The following CKMT2 variants were observed in gnomAD, a reference collection of about 807,000 sequenced individuals.
The protein encoded by CKMT2 is creatine kinase, mitochondrial 2.
CKMT2 carries 43 observed loss-of-function variants against 48.9 expected under a neutral mutation model. That is an observed-to-expected ratio of 0.88 (90% CI 0.69 to 1.13). The LOEUF is 1.13. Among genes scored for constraint, CKMT2 ranks in the 50% most tolerant of loss-of-function variants. The probability of loss-of-function intolerance (pLI) is 0.00; values close to 1 mark genes in which losing one functional copy is unlikely to be tolerated. For missense variants in CKMT2, 472 were observed against 555.4 expected (o/e 0.85, Z 1.51); for synonymous variants, 206 against 213.0 (o/e 0.97, Z 0.29).
At position 81,252,722 on chromosome 5, in the gene CKMT2, C is replaced by T; in HGVS notation, c.180C>T (p.His60=). The change falls in exon 3 of 10, where the codon CAC becomes CAT. Residue 60 remains histidine, a synonymous_variant. Transcript: ENST00000254035. ...CAGACTACCCAGACCTGCGCAAGCACAACAACTGCATGGCCGAGTGCCTCA... is the reference window on the plus strand; with the variant it reads ...CAGACTACCCAGACCTGCGCAAGCATAACAACTGCATGGCCGAGTGCCTCA... ...PSADYPDLRK[H]NNCMAECLTP... is the part of the protein sequence containing the mutation. The T allele has an allele frequency of 6.2e-7, 1 of 1,614,146 alleles. No individual in the cohort carries two copies. Among genetic ancestry groups the T allele is most frequent in the South Asian group, 1.1e-5 (1 of 91,088 alleles).
At chr5:81,243,145 G>A (rs1756493566) in intron 1 of CKMT2, among the ~76,000 whole-genome samples, 1 of 152,192 alleles carries the variant, frequency 6.6e-6, no homozygotes, top group Non-Finnish European at 1.5e-5. Flanking sequence ...CCATAAGAGA[G>A]GTCCCTTGGG....
At chr5:81,246,059 C>T (rs1756599677) in intron 1 of CKMT2, among the ~76,000 whole-genome samples, 1 of 151,994 alleles carries the variant, frequency 6.6e-6, no homozygotes, top group Non-Finnish European at 1.5e-5. Flanking sequence ...CACCTTATCT[C>T]TCACCTGGAC....
chr5:81,239,451 G>C (rs906173348), intron 1 of CKMT2: 1 of 152,180 alleles, frequency 6.6e-6, no homozygotes, highest in African/African-American at 2.4e-5. Context: ...GAGGGGAATG[G>C]CCATTTCCCC....
chr5:81,254,017 G>C (rs1415196415), intron 3 of CKMT2, among the ~76,000 whole-genome samples: 4 of 152,134 alleles, frequency 2.6e-5, no homozygotes, highest in Admixed American at 6.5e-5. Flanking sequence ...CCTCTGATCA[G>C]GTAGCTTCTT....
Position 81,252,324 on chromosome 5 carries a change from G to A in CKMT2, c.153-371G>A, listed in dbSNP as rs548971460. The stretch of plus-strand genomic sequence containing the variant: ...TCGCCAGCAACCCCCATGTACCTTG[G>A]GAATTCCTGAGGTGACATGACTTGT... On this transcript the variant is annotated intron_variant, in intron 2 of 9. Transcript: ENST00000254035. 1.2e-5 allele frequency: 3 copies of A among 244,434 alleles called. No individual in the cohort carries two copies. In the East Asian group the frequency reaches 3.3e-4, roughly 27 times the overall value. 15.1% of individuals were successfully genotyped at this position (244,434 alleles called of 1,614,324 possible). A position where few individuals can be genotyped will look rare whatever the true frequency, so the allele number is the denominator to read the frequency against.
chr5:81,238,007 C>T (rs1338848600), intron 1 of CKMT2: 1 of 152,144 alleles, frequency 6.6e-6, no homozygotes, highest in Admixed American at 6.5e-5. Context: ...CAGACTCACA[C>T]ATTTGTAAAA....
intron 1 of CKMT2, chr5:81,236,060 G>A (rs1352575562): frequency 6.6e-6 from 1 of 152,308 alleles, no homozygotes; most frequent in Non-Finnish European, 1.5e-5. Context: ...GGCACATTGA[G>A]CACTAGAGTC....
At chr5:81,251,849 TTATGTGTGACCAGCAC>T (rs1266423741) in intron 2 of CKMT2, 1 of 153,148 alleles carries the variant, frequency 6.5e-6, no homozygotes. Flanking sequence ...TGGAGCACTT[TTATGTGTGACCAGCAC>T]TTTACATGGA....
chr5:81,257,384 G>A (rs919653148), intron 6 of CKMT2, among the ~76,000 whole-genome samples: 1 of 152,092 alleles, frequency 6.6e-6, no homozygotes, highest in Admixed American at 6.6e-5. Flanking sequence ...GCTTTTTAGA[G>A]CACAAGATTT....
At chr5:81,257,625 G>T in intron 6 of CKMT2, 108 bp from the exon 7 acceptor site, 1 of 927,000 alleles carries the variant, frequency 1.1e-6, no homozygotes, top group East Asian at 2.6e-5. Context: ...GGCCATCTAG[G>T]AAATGAGGAA....
Position 81,252,711 on chromosome 5 carries a change from C to T in CKMT2, c.169C>T (p.Leu57=), listed in dbSNP as rs1489447988. Residue 57 remains leucine (L), a synonymous_variant, in exon 3 of 10, where the codon CTG becomes TTG. Transcript: ENST00000254035. Reference sequence around the variant, plus strand: ...CCCACACAGCGCAGACTACCCAGACCTGCGCAAGCACAACAACTGCATGGC... The same window carrying T: ...CCCACACAGCGCAGACTACCCAGACTTGCGCAAGCACAACAACTGCATGGC... The part of the protein sequence containing the change: ...LFPPSADYPD[L]RKHNNCMAEC... 5 of 1,614,182 alleles carry T rather than the reference C, an allele frequency of 3.1e-6. No homozygotes were observed. Among genetic ancestry groups the T allele is most frequent in the Non-Finnish European group, 4.2e-6 (5 of 1,180,040 alleles).
At chr5:81,236,902 C>T (rs1014320573) in intron 1 of CKMT2, among the ~76,000 whole-genome samples, 2 of 152,178 alleles carry the variant, frequency 1.3e-5, no homozygotes, top group African/African-American at 2.4e-5. Flanking sequence ...CTAATCCCAG[C>T]ACTTTGGGAG....
In CKMT2 at chr5:81,266,098, C is replaced by T. The variant is rs775623403; in HGVS notation, c.1141-41C>T. 2.5e-6 allele frequency: 4 copies of T among 1,600,190 alleles called. No individual in the cohort carries two copies. The African/African-American group carries it at 4.0e-5, about 16-fold the overall frequency. ...CCTGTTAATCAATGCCCTGCAGATG[C>T]TTCTATTCAAATTAATCATTCATCT... On this transcript the variant is annotated intron_variant, in intron 9 of 9. Transcript: ENST00000254035.
Position 81,252,808 on chromosome 5 carries a change from A to C in CKMT2, c.266A>C (p.Gln89Pro), listed in dbSNP as rs759062118. Residue 89 changes from glutamine (Q) to proline (P), a missense_variant, in exon 3 of 10, where the codon CAG becomes CCG. Transcript: ENST00000254035. ...ACACCCAACGGCTACACGCTGGACC[A>C]GTGCATCCAGACTGGAGTGGACAAC... is the stretch of plus-strand genomic sequence containing the variant. ...KVTPNGYTLD[Q>P]CIQTGVDNPG... 19 of 1,614,122 alleles carry C rather than the reference A, an allele frequency of 1.2e-5. No homozygotes were observed. The highest frequency in any genetic ancestry group is 1.7e-5 in the Admixed American group (1 of 60,008).
Position 81,255,821 on chromosome 5 carries a change from TA to T in CKMT2, c.669+621del, listed in dbSNP as rs34825989. On this transcript the variant is annotated intron_variant, in intron 5 of 9. Transcript: ENST00000254035. ...TTCAAAAGTAACAACTTTAAACTCT[TA>T]AAAAAAAAAAAAAGCAGAAACAAAA... Among the ~76,000 whole-genome samples, 703 of 140,374 alleles carry T rather than the reference TA, an allele frequency of 5.0e-3. 2 individuals are homozygous for T. Among genetic ancestry groups the T allele is most frequent in the African/African-American group, 9.5e-3 (369 of 38,648 alleles). 92.1% of individuals were successfully genotyped at this position (140,374 alleles called of 152,430 possible).
At chr5:81,239,131 A>C (rs1756349399) in intron 1 of CKMT2, 1 of 152,254 alleles carries the variant, frequency 6.6e-6, no homozygotes, top group Non-Finnish European at 1.5e-5. Flanking sequence ...GCCCATGTTC[A>C]AATCCATTTC....
intron 8 of CKMT2, among the ~76,000 whole-genome samples, chr5:81,262,995 A>AT (rs1366846042): frequency 3.9e-5 from 6 of 152,232 alleles, no homozygotes; most frequent in African/African-American, 1.4e-4. Context: ...CTATGCAGCC[A>AT]TAAAAAAGGA....
intron 1 of CKMT2, among the ~76,000 whole-genome samples, chr5:81,235,287 T>C (rs1320188920): frequency 6.6e-6 from 1 of 152,116 alleles, no homozygotes; most frequent in Non-Finnish European, 1.5e-5. Context: ...CTAAGTGGTT[T>C]TGAGGTAACG....
rs1423933774 is a variant in CKMT2 at position 81,263,337 on chromosome 5, CAATATATATATCTATTATA to C, written c.1015-142_1015-124del. ...GCTTTATTTAGTTAATCTATATATTCAATATATATATCTATTATAAATATATATATTTATTATATATATA... is the reference window on the plus strand; with the variant it reads ...GCTTTATTTAGTTAATCTATATATTCAATATATATATTTATTATATATATA... On this transcript the variant is annotated intron_variant, in intron 8 of 9. Coordinates refer to ENST00000254035, the MANE Select transcript of CKMT2 (RefSeq NM_001099735.2). Among the ~76,000 whole-genome samples the C allele has an allele frequency of 7.4e-5, 11 of 148,554 alleles. No individual in the cohort carries two copies. In the South Asian group the frequency reaches 2.3e-3, roughly 31 times the overall value.
Sources: allele counts gnomAD v4.1 joint callset (sites outside exome capture counted in the v4.1 genomes callset), GRCh38; gene constraint gnomAD v4.1.1; transcripts MANE v1.5; gene names NCBI Gene and HGNC (gene_info 2026-07-23, HGNC 2026-07-21).